The following PDHX variants were observed in gnomAD, a reference collection of about 807,000 sequenced individuals.
PDHX encodes pyruvate dehydrogenase protein X component, mitochondrial.
In PDHX, 33 loss-of-function variants were observed where a neutral mutation model predicts 55.3. That is an observed-to-expected ratio of 0.60 (90% CI 0.45 to 0.80). The LOEUF is 0.80. Among genes scored for constraint, PDHX ranks in the 30% least tolerant of loss-of-function variants. PDHX has a pLI of 0.00. For synonymous variants in PDHX, 226 were observed against 219.4 expected (o/e 1.03, Z -0.27); for missense variants, 622 against 619.9 (o/e 1.00, Z -0.04).
chr11:34,928,759 T>C (rs1232540597), intron 1 of PDHX, among the ~76,000 whole-genome samples: 3 of 152,218 alleles, frequency 2.0e-5, no homozygotes, highest in Non-Finnish European at 2.9e-5. Context: ...ACTAATGTTA[T>C]AAGTTTTCCT....
intron 1 of PDHX, among the ~76,000 whole-genome samples, chr11:34,929,717 C>A (rs895531583): frequency 1.2e-4 from 18 of 152,192 alleles, no homozygotes; most frequent in Admixed American, 4.6e-4. Context: ...CATGAAGATT[C>A]GCATCCTGTA....
rs76565066 is a variant in PDHX at position 34,924,284 on chromosome 11, C to T, written c.161-7120C>T. On this transcript the variant is annotated intron_variant, in intron 1 of 10. Transcript: ENST00000227868. Reference sequence around the variant, plus strand: ...TTAGATGGAGCCTTACTCTGTCGCCCAGACTGGAGTGCAGTGGGGCGGTCT... The same window carrying T: ...TTAGATGGAGCCTTACTCTGTCGCCTAGACTGGAGTGCAGTGGGGCGGTCT... Among the ~76,000 whole-genome samples, 730 of 152,254 alleles carry T rather than the reference C, an allele frequency of 4.8e-3. 2 individuals are homozygous for T. The highest frequency in any genetic ancestry group is 0.017 in the African/African-American group (697 of 41,526).
chr11:34,991,906 C>CAAAAAAAAAAAAAAA (rs1169109545), intron 9 of PDHX, among the ~76,000 whole-genome samples: 1 of 37,308 alleles, frequency 2.7e-5, no homozygotes, highest in African/African-American at 6.2e-5. Flanking sequence ...TGAGACTTCT[C>CAAAAAAAAAAAAAAA]AAAAAAAAAA....
chr11:34,924,873 A>C (rs769060579), intron 1 of PDHX, among the ~76,000 whole-genome samples: 41 of 152,134 alleles, frequency 2.7e-4, no homozygotes, highest in Non-Finnish European at 5.4e-4. Context: ...GCATTTGCCC[A>C]TCTCTCTGTT....
rs368203957 is a variant in PDHX at position 34,956,709 on chromosome 11, T to G, written c.343-675T>G. Among the ~76,000 whole-genome samples the G allele has an allele frequency of 4.7e-4, 71 of 152,298 alleles. 1 individual carries two copies. Among genetic ancestry groups the G allele is most frequent in the African/African-American group, 1.6e-3 (67 of 41,580 alleles). On this transcript the variant is annotated intron_variant, in intron 3 of 10. Transcript: ENST00000227868. ...TTGGCATTATCTGTGGAAGAAATGC[T>G]TTATTAACTGAGACACCACTGTGTT...
intron 7 of PDHX, among the ~76,000 whole-genome samples, chr11:34,971,674 T>A (rs1012211239): frequency 1.5e-4 from 23 of 152,180 alleles, no homozygotes; most frequent in African/African-American, 5.5e-4. Context: ...TTTGATTCTG[T>A]ATCCTAAAAT....
intron 2 of PDHX, among the ~76,000 whole-genome samples, chr11:34,945,163 A>AAATTAC (rs1319224909): frequency 2.0e-5 from 3 of 152,186 alleles, no homozygotes; most frequent in African/African-American, 7.2e-5. Flanking sequence ...GGTAAAAATA[A>AAATTAC]AATTACTTTT....
In PDHX at chr11:34,963,201, G is replaced by T. The variant is rs193210940; in HGVS notation, c.641+2683G>T. 2.0e-3 allele frequency among the ~76,000 whole-genome samples: 303 copies of T among 152,264 alleles called. 2 individuals are homozygous for T. Among genetic ancestry groups the T allele is most frequent in the Middle Eastern group, 3.4e-3 (1 of 294 alleles). ...TTAGCCTAATGTCGTCTTCTGCTATGGTTGAAAAATTGCAGGCTTTGGCAT... is the reference window on the plus strand; with the variant it reads ...TTAGCCTAATGTCGTCTTCTGCTATTGTTGAAAAATTGCAGGCTTTGGCAT... On this transcript the variant is annotated intron_variant, in intron 5 of 10. Transcript: ENST00000227868.
chr11:34,926,002 T>C (rs1272381883), intron 1 of PDHX, among the ~76,000 whole-genome samples: 1 of 152,242 alleles, frequency 6.6e-6, no homozygotes, highest in East Asian at 1.9e-4. Flanking sequence ...TTATCTTTTT[T>C]ATGTTTGTTA....
At chr11:34,959,448 A>G (rs1170073990) in intron 4 of PDHX, among the ~76,000 whole-genome samples, 1 of 152,044 alleles carries the variant, frequency 6.6e-6, no homozygotes, top group Admixed American at 6.6e-5. Context: ...GATTATAACA[A>G]GTGTTGGCAA....
rs1475227744 is a variant in PDHX, at chr11:34,994,831, A to G, written c.1248-83A>G. The G allele has an allele frequency of 6.6e-6, 10 of 1,513,670 alleles. No homozygotes were observed. In the Admixed American group the frequency reaches 8.4e-5, roughly 13 times the overall value. 93.8% of individuals were successfully genotyped at this position (1,513,670 alleles called of 1,614,324 possible). ...TTCTTGCCTTACTACACTGCCTAGT[A>G]AAATATATAAAATATGTGCTTCACG... On this transcript the variant is annotated intron_variant, in intron 10 of 10. Transcript: ENST00000227868.
chr11:34,973,204 T>G (rs1290067434), intron 7 of PDHX, among the ~76,000 whole-genome samples: 2 of 152,228 alleles, frequency 1.3e-5, no homozygotes, highest in African/African-American at 4.8e-5. Context: ...CTTGTAATAT[T>G]CCTTATCCTC....
At chr11:34,946,744 C>T (rs1054640110) in intron 2 of PDHX, among the ~76,000 whole-genome samples, 1 of 152,184 alleles carries the variant, frequency 6.6e-6, no homozygotes, top group Admixed American at 6.5e-5. Flanking sequence ...ATCAGCCTCA[C>T]ATTATGAGTA....
At chr11:34,991,325 T>C (rs1225785960) in intron 9 of PDHX, among the ~76,000 whole-genome samples, 1 of 152,130 alleles carries the variant, frequency 6.6e-6, no homozygotes, top group African/African-American at 2.4e-5. Flanking sequence ...AAAATTTACC[T>C]GAAATAATTC....
intron 3 of PDHX, among the ~76,000 whole-genome samples, chr11:34,953,180 T>G (rs931597796): frequency 6.6e-6 from 1 of 152,076 alleles, no homozygotes; most frequent in East Asian, 1.9e-4. Flanking sequence ...CACTGCTCAA[T>G]GAAATAAAAG....
intron 10 of PDHX, among the ~76,000 whole-genome samples, chr11:34,994,501 C>T (rs1855818287): frequency 6.6e-6 from 1 of 152,142 alleles, no homozygotes; most frequent in South Asian, 2.1e-4. Context: ...ACTTAGGCTA[C>T]ACTAAATTTA....
chr11:34,954,282 T>G (rs541364654), intron 3 of PDHX, among the ~76,000 whole-genome samples: 1 of 152,350 alleles, frequency 6.6e-6, no homozygotes, highest in East Asian at 1.9e-4. Flanking sequence ...ACAGACAATA[T>G]TTACTTGTGC....
upstream of PDHX, chr11:34,916,013 G>T: frequency 3.2e-6 from 2 of 621,484 alleles, no homozygotes; most frequent in African/African-American, 3.9e-5. Context: ...TCCCGCCATC[G>T]GAGCGCCCCG....
At chr11:34,985,673 AT>A (rs1855625754) in intron 9 of PDHX, among the ~76,000 whole-genome samples, 1 of 152,146 alleles carries the variant, frequency 6.6e-6, no homozygotes, top group Non-Finnish European at 1.5e-5. Context: ...AAAATTTCTG[AT>A]TCATTTGGGT....
Sources: allele counts gnomAD v4.1 joint callset (sites outside exome capture counted in the v4.1 genomes callset), GRCh38; gene constraint gnomAD v4.1.1; transcripts MANE v1.5; gene names NCBI Gene and HGNC (gene_info 2026-07-23, HGNC 2026-07-21).